KPNA3: variants seen among roughly 807,000 people sequenced by gnomAD.
KPNA3 encodes the protein importin subunit alpha-4.
Under a neutral mutation model 73.8 loss-of-function variants are expected in KPNA3, and 13 were observed. The ratio of observed to expected loss-of-function variants is 0.18; its 90% CI spans 0.11 to 0.28. The LOEUF is 0.28. Among genes scored for constraint, KPNA3 ranks in the 10% least tolerant of loss-of-function variants. KPNA3 has a pLI of 1.00. For missense variants in KPNA3, 360 were observed against 618.1 expected (o/e 0.58, Z 4.43); for synonymous variants, 186 against 206.9 (o/e 0.90, Z 0.87).
At chr13:49,791,463 T>A (rs77369521) in intron 1 of KPNA3, among the ~76,000 whole-genome samples, 4,598 of 152,312 alleles carry the variant, frequency 0.03, 99 homozygotes, top group South Asian at 0.11. Flanking sequence ...TACCTGCTAA[T>A]GTCACCTTAA....
chr13:49,743,452 C>T (rs567812857), intron 2 of KPNA3, among the ~76,000 whole-genome samples: 1 of 151,988 alleles, frequency 6.6e-6, no homozygotes, highest in Non-Finnish European at 1.5e-5. Flanking sequence ...CTACTGCTTA[C>T]TTGGGGAATT....
rs1954482042 is a variant in KPNA3 at position 49,732,764 on chromosome 13, G to C, written c.217C>G (p.Leu73Val). The change falls in exon 4 of 17, where the codon CTA (leucine) becomes GTA (valine). Residue 73 changes from leucine (L) to valine (V), a missense_variant. Leu to Val is a conservative substitution (Grantham distance 32). This residue lies in a region of KPNA3 where 287 missense variants were observed against 549.1 expected (regional missense o/e 0.52). Transcript: ENST00000261667. The part of the protein sequence containing the change: ...DADFKAQNVT[L>V]EAILQNATSD... ...TAACATACCTGCAATATAGCTTCTAGGGTTACATTTTGCTTAAAAAGAAAA... is the reference window on the plus strand; with the variant it reads ...TAACATACCTGCAATATAGCTTCTACGGTTACATTTTGCTTAAAAAGAAAA... The C allele has an allele frequency of 2.5e-6, 4 of 1,574,068 alleles. No individual in the cohort carries two copies. The highest frequency in any genetic ancestry group is 2.6e-6 in the Non-Finnish European group (3 of 1,152,882).
chr13:49,734,178 T>C (rs1566343891), intron 2 of KPNA3, among the ~76,000 whole-genome samples: 2 of 152,252 alleles, frequency 1.3e-5, no homozygotes, highest in Non-Finnish European at 2.9e-5. Flanking sequence ...ATTACCACTT[T>C]AACTGTATTC....
chr13:49,718,246 G>A (rs1414764366), intron 10 of KPNA3, among the ~76,000 whole-genome samples: 3 of 152,154 alleles, frequency 2.0e-5, no homozygotes, highest in African/African-American at 7.2e-5. Context: ...CTTGACATAA[G>A]TTCTTTCCTT....
At chr13:49,702,780 T>C (rs1954159647) in intron 15 of KPNA3, among the ~76,000 whole-genome samples, 1 of 152,226 alleles carries the variant, frequency 6.6e-6, no homozygotes, top group Non-Finnish European at 1.5e-5. Context: ...CATAAATATG[T>C]AAAGAGACTT....
chr13:49,780,510 G>A (rs1027729478), intron 1 of KPNA3, among the ~76,000 whole-genome samples: 2 of 151,916 alleles, frequency 1.3e-5, no homozygotes, highest in African/African-American at 4.8e-5. Flanking sequence ...CTCCCCATCT[G>A]AGACCTTGAG....
At chr13:49,789,622 C>A (rs139738373) in intron 1 of KPNA3, among the ~76,000 whole-genome samples, 2 of 152,144 alleles carry the variant, frequency 1.3e-5, no homozygotes, top group Admixed American at 1.3e-4. Context: ...GCCTGATAAC[C>A]ACAACTACTC....
chr13:49,727,216 G>A (rs919185359), intron 6 of KPNA3, among the ~76,000 whole-genome samples: 2 of 152,128 alleles, frequency 1.3e-5, no homozygotes, highest in African/African-American at 4.8e-5. Context: ...GGGAGGCCAA[G>A]GCAGATGGAT....
intron 11 of KPNA3, among the ~76,000 whole-genome samples, chr13:49,710,676 T>C (rs1954251659): frequency 2.0e-5 from 3 of 152,106 alleles, no homozygotes; most frequent in Admixed American, 6.6e-5. Flanking sequence ...ATGATATGTA[T>C]AAAGGGTCAA....
intron 6 of KPNA3, among the ~76,000 whole-genome samples, chr13:49,728,485 C>T (rs930459636): frequency 2.6e-5 from 4 of 152,034 alleles, no homozygotes; most frequent in Non-Finnish European, 5.9e-5. Flanking sequence ...CCAGATAAGC[C>T]GTAGACAACA....
Position 49,709,572 on chromosome 13 carries a change from C to G in KPNA3, c.1032G>C (p.Lys344Asn). 1 of 1,611,542 alleles carries G rather than the reference C, an allele frequency of 6.2e-7. No individual in the cohort carries two copies. Among genetic ancestry groups the G allele is most frequent in the Non-Finnish European group, 8.5e-7 (1 of 1,178,488 alleles). ...LLSHPKEKIN[K>N]EAVWFLSNIT... ...ATAATGAGGACATTATATGCCTTAC[C>G]TTATTTATCTTCTCTTTTGGGTGTG... Residue 344 changes from lysine (K) to asparagine (N), a missense_variant and splice_region_variant, in exon 12 of 17, where the codon AAG becomes AAC. By Grantham distance (94) the Lys-to-Asn change is moderately conservative. Coordinates refer to ENST00000261667, the MANE Select transcript of KPNA3 (RefSeq NM_002267.4).
intron 6 of KPNA3, among the ~76,000 whole-genome samples, chr13:49,731,879 A>G (rs1954473369): frequency 6.6e-6 from 1 of 152,178 alleles, no homozygotes; most frequent in Non-Finnish European, 1.5e-5. Context: ...AGCAAACAAA[A>G]AGTCTGACAT....
intron 6 of KPNA3, among the ~76,000 whole-genome samples, chr13:49,730,519 C>CAAAAAAAAAAAAAAAAAAAAAAAAAAAA (rs55725741): frequency 1.5e-4 from 4 of 27,280 alleles, no homozygotes; most frequent in Non-Finnish European, 1.9e-4. Flanking sequence ...GACTCTGTCT[C>CAAAAAAAAAAAAAAAAAAAAAAAAAAAA]AAAAAAAAAA....
At chr13:49,764,724 A>C (rs1332014501) in intron 1 of KPNA3, among the ~76,000 whole-genome samples, 2 of 151,400 alleles carry the variant, frequency 1.3e-5, no homozygotes, top group African/African-American at 4.9e-5. Context: ...TCTATTTCCC[A>C]TATCATGAGC....
At chr13:49,731,584 A>G (rs1315962721) in intron 6 of KPNA3, among the ~76,000 whole-genome samples, 1 of 152,188 alleles carries the variant, frequency 6.6e-6, no homozygotes, top group Non-Finnish European at 1.5e-5. Flanking sequence ...ATATACCACT[A>G]TTCTTATCTA....
At chr13:49,737,677 T>C (rs1954536837) in intron 2 of KPNA3, among the ~76,000 whole-genome samples, 1 of 151,518 alleles carries the variant, frequency 6.6e-6, no homozygotes, top group Non-Finnish European at 1.5e-5. Context: ...GGCAACATCA[T>C]AGCATACTGC....
At chr13:49,709,985 G>A (rs1954244906) in intron 11 of KPNA3, among the ~76,000 whole-genome samples, 1 of 152,160 alleles carries the variant, frequency 6.6e-6, no homozygotes. Flanking sequence ...CTTAAGGCTG[G>A]GCATGGTGGC....
At chr13:49,765,466 G>A (rs1248605819) in intron 1 of KPNA3, among the ~76,000 whole-genome samples, 2 of 152,038 alleles carry the variant, frequency 1.3e-5, no homozygotes, top group African/African-American at 4.8e-5. Flanking sequence ...ATGGTTTTTA[G>A]TGTATTTCAC....
chr13:49,767,831 A>G (rs1954821375), intron 1 of KPNA3, among the ~76,000 whole-genome samples: 1 of 152,234 alleles, frequency 6.6e-6, no homozygotes, highest in Non-Finnish European at 1.5e-5. Context: ...TCTACAAAAT[A>G]TGACTTGTTT....
Sources: allele counts gnomAD v4.1 joint callset (sites outside exome capture counted in the v4.1 genomes callset), GRCh38; gene constraint gnomAD v4.1.1; regional missense constraint gnomAD v4.1.1; transcripts MANE v1.5; gene names NCBI Gene and HGNC (gene_info 2026-07-23, HGNC 2026-07-21).